ESCO2: variants seen among roughly 807,000 people sequenced by gnomAD.
ESCO2 encodes establishment of sister chromatid cohesion N-acetyltransferase 2.
Under a neutral mutation model 61.7 loss-of-function variants are expected in ESCO2, and 51 were observed. The ratio of observed to expected loss-of-function variants is 0.83; its 90% confidence interval spans 0.66 to 1.04. The LOEUF is 1.04. ESCO2 is among the 50% of genes least tolerant of loss of function. ESCO2 has a pLI of 0.00. For missense variants in ESCO2, 692 were observed against 686.2 expected, an observed-to-expected ratio of 1.01 and a Z score of -0.09; for synonymous variants, 230 against 238.2, an observed-to-expected ratio of 0.97 and a Z score of 0.32.
In ESCO2 at chr8:27,776,820, T is replaced by C. The variant is rs1804803734; in HGVS notation, c.512T>C (p.Ile171Thr). ...AGAAATTCCAAGCAAAATCGAGTGA[T>C]CTATAAGCCAATTGTGGAGAAGGAA... ...NSRNSKQNRVIYKPIVEKENN... is the reference protein window; with the variant it reads ...NSRNSKQNRVTYKPIVEKENN... Residue 171 changes from isoleucine (I) to threonine (T), a missense_variant, in exon 3 of 11, where the codon ATC (isoleucine) becomes ACC (threonine). Transcript: ENST00000305188. The C allele has an allele frequency of 6.2e-7, 1 of 1,614,136 alleles. No homozygotes were observed. The highest frequency in any genetic ancestry group is 8.5e-7 in the Non-Finnish European group (1 of 1,180,032).
intron 10 of ESCO2, among the ~76,000 whole-genome samples, chr8:27,801,383 T>C (rs1805421782): frequency 6.6e-6 from 1 of 152,144 alleles, no homozygotes; most frequent in East Asian, 1.9e-4. Flanking sequence ...ATGCCACTTT[T>C]AAAAAATAAA....
downstream of ESCO2, among the ~76,000 whole-genome samples, chr8:27,806,515 T>C (rs1195213940): frequency 1.3e-5 from 2 of 152,156 alleles, no homozygotes; most frequent in Non-Finnish European, 2.9e-5. Context: ...CACAAAAAGC[T>C]ACCAACAACA....
At chr8:27,810,222 T>A, downstream of ESCO2, 1 of 908,332 alleles carries the variant, frequency 1.1e-6, no homozygotes, top group African/African-American at 1.7e-5. Context: ...AATTTTAGAG[T>A]CTAATAACTA....
the ESCO2 span, among the ~76,000 whole-genome samples, chr8:27,817,683 GTTC>G: frequency 6.6e-6 from 1 of 151,852 alleles, no homozygotes; most frequent in Non-Finnish European, 1.5e-5. Context: ...TTTGGACTGT[GTTC>G]TTAAGAATGA....
At chr8:27,802,024 C>T (rs907676444) in intron 10 of ESCO2, among the ~76,000 whole-genome samples, 5 of 100,358 alleles carry the variant, frequency 5.0e-5, no homozygotes, top group Non-Finnish European at 9.4e-5. Flanking sequence ...TTAGTTTTCA[C>T]GTCTCTTTAA....
chr8:27,772,842 T>A (rs1206161938), upstream of ESCO2, among the ~76,000 whole-genome samples: 1 of 152,212 alleles, frequency 6.6e-6, no homozygotes, highest in East Asian at 1.9e-4. Context: ...AAGATGATAC[T>A]AGAGCAGCTA....
chr8:27,784,385 C>T (rs1804991126), intron 5 of ESCO2, among the ~76,000 whole-genome samples: 1 of 152,068 alleles, frequency 6.6e-6, no homozygotes, highest in African/African-American at 2.4e-5. Context: ...TACTATTATT[C>T]TGTTTTCAGC....
At chr8:27,816,661 C>T (rs2128962332), downstream of ESCO2, among the ~76,000 whole-genome samples, 1 of 152,000 alleles carries the variant, frequency 6.6e-6, no homozygotes, top group African/African-American at 2.4e-5. Flanking sequence ...CAGGTGTCAG[C>T]CACTGCGCCC....
downstream of ESCO2, among the ~76,000 whole-genome samples, chr8:27,814,859 A>T (rs1007612467): frequency 9.2e-5 from 14 of 152,236 alleles, no homozygotes; most frequent in African/African-American, 1.7e-4. Flanking sequence ...CAACAAATAT[A>T]CTCTATGATT....
At chr8:27,784,876 C>T (rs1038184467) in intron 5 of ESCO2, among the ~76,000 whole-genome samples, 1 of 152,186 alleles carries the variant, frequency 6.6e-6, no homozygotes, top group African/African-American at 2.4e-5. Flanking sequence ...CCTTAAATTG[C>T]CTCAGTGATT....
chr8:27,775,457 T>A, intron 1 of ESCO2, 42 bp from the exon 2 acceptor site: 1 of 1,549,356 alleles, frequency 6.5e-7, no homozygotes, highest in Non-Finnish European at 8.9e-7. Flanking sequence ...ATAAAGCGAT[T>A]TTTAATATTT....
chr8:27,772,713 A>C, upstream of ESCO2: 2 of 622,972 alleles, frequency 3.2e-6, no homozygotes, highest in South Asian at 4.0e-5. Context: ...AATCCTGGCG[A>C]GGCGAAGTGT....
At chr8:27,772,787 C>A, upstream of ESCO2, 1 of 543,454 alleles carries the variant, frequency 1.8e-6, no homozygotes, top group Non-Finnish European at 3.3e-6. Flanking sequence ...ATCTTGGGCA[C>A]GTTAGTTAAC....
chr8:27,794,814 A>T (rs907256327), intron 9 of ESCO2, among the ~76,000 whole-genome samples: 23 of 152,104 alleles, frequency 1.5e-4, no homozygotes, highest in Non-Finnish European at 1.5e-4. Context: ...TTTTCCCGAC[A>T]CCATTTATTG....
Position 27,776,790 on chromosome 8 carries a change from A to C in ESCO2, c.482A>C (p.Asn161Thr). 1 of 1,614,068 alleles carries C rather than the reference A, an allele frequency of 6.2e-7. No homozygotes were observed. The highest frequency in any genetic ancestry group is 8.5e-7 in the Non-Finnish European group (1 of 1,180,008). The change falls in exon 3 of 11, where the codon AAT (asparagine) becomes ACT (threonine). Residue 161 changes from asparagine to threonine, a missense_variant. Transcript: ENST00000305188. ...AGACACATCAAGCCTGTATCAAGGA[A>C]TTCTAGAAATTCCAAGCAAAATCGA... ...KYRHIKPVSR[N>T]SRNSKQNRVI...
chr8:27,792,092 C>A (rs1805189931), intron 8 of ESCO2, 40 bp downstream of exon 8: 1 of 1,599,510 alleles, frequency 6.3e-7, no homozygotes, highest in African/African-American at 1.3e-5. Flanking sequence ...CTTTCCCCAC[C>A]CCCAAGAAAT....
intron 10 of ESCO2, among the ~76,000 whole-genome samples, chr8:27,802,655 AT>A (rs1444876214): frequency 0.029 from 1,540 of 53,986 alleles, 60 homozygotes; most frequent in Non-Finnish European, 0.036. Flanking sequence ...ATATATATAT[AT>A]TATATATATA....
chr8:27,805,548 A>G (rs1256173212), downstream of ESCO2, among the ~76,000 whole-genome samples: 2 of 152,114 alleles, frequency 1.3e-5, no homozygotes, highest in Non-Finnish European at 2.9e-5. Context: ...AACACATACA[A>G]GAAGCAAGTG....
At position 27,805,180 on chromosome 8, in the gene ESCO2, G is replaced by T. The variant is rs908131538; in HGVS notation, c.*1742G>T. 1.6e-5 allele frequency: 2 copies of T among 125,402 alleles called. No homozygotes were observed. Among genetic ancestry groups the T allele is most frequent in the African/African-American group, 6.3e-5 (2 of 31,824 alleles). 7.8% of individuals were successfully genotyped at this position (125,402 alleles called of 1,614,324 possible). A position where few individuals can be genotyped will look rare whatever the true frequency, so the allele number is the denominator to read the frequency against. ...GCCTGTAGTCCCAGCTACTCGGGAG[G>T]CTGAGGCAGGAGAATGGCGTGAACC... On this transcript the variant is annotated 3_prime_UTR_variant, in exon 11 of 11. Transcript: ENST00000305188.
Sources: gnomAD v4.1 joint callset for allele counts (sites outside exome capture counted in the v4.1 genomes callset) on GRCh38, gnomAD v4.1.1 for gene constraint, MANE v1.5 for transcripts, NCBI Gene and HGNC (gene_info 2026-07-23, HGNC 2026-07-21) for gene names.